Variants in PDE3B observed in about 807,000 individuals in gnomAD.
The protein encoded by PDE3B is cGMP-inhibited 3',5'-cyclic phosphodiesterase 3B.
In PDE3B, 66 loss-of-function variants were observed where a neutral mutation model predicts 116.8. The observed-to-expected ratio is 0.56, with a 90% CI of 0.46 to 0.69. The LOEUF is 0.69. PDE3B is among the 30% of genes least tolerant of loss of function. The pLI, the probability that PDE3B is intolerant of heterozygous loss-of-function variation, is 0.00. For synonymous variants in PDE3B, 595 were observed against 533.6 expected (o/e 1.12, Z -1.59); for missense variants, 1,384 against 1,368.1 (o/e 1.01, Z -0.18).
intron 1 of PDE3B, among the ~76,000 whole-genome samples, chr11:14,764,862 C>A (rs1225652863): frequency 6.6e-6 from 1 of 151,488 alleles, no homozygotes; most frequent in Non-Finnish European, 1.5e-5. Flanking sequence ...TCCTACCCCT[C>A]CCCCTCCCCC....
At chr11:14,858,759 G>C (rs1555006562) in intron 12 of PDE3B, among the ~76,000 whole-genome samples, 1 of 152,126 alleles carries the variant, frequency 6.6e-6, no homozygotes, top group African/African-American at 2.4e-5. Flanking sequence ...TACATCTCTT[G>C]GGAGGCAGCA....
chr11:14,875,042 A>T (rs1308133497), downstream of PDE3B, among the ~76,000 whole-genome samples: 2 of 152,066 alleles, frequency 1.3e-5, no homozygotes, highest in Non-Finnish European at 2.9e-5. Context: ...TAGGAACCCA[A>T]TTTATTTATA....
chr11:14,684,788 T>C (rs1353462594), intron 1 of PDE3B, among the ~76,000 whole-genome samples: 1 of 152,174 alleles, frequency 6.6e-6, no homozygotes, highest in Non-Finnish European at 1.5e-5. Flanking sequence ...AGTGATATCT[T>C]CCCTACTTGC....
chr11:14,843,695 T>C lies in PDE3B; in HGVS notation c.2321-132T>C. On this transcript the variant is annotated intron_variant, in intron 11 of 15. Coordinates refer to ENST00000282096, the MANE Select transcript of PDE3B (RefSeq NM_000922.4). The stretch of plus-strand genomic sequence containing the variant: ...GGAATAATATACTCTTTTAAGTTCA[T>C]AGATTTTAGTTCTTACTTAAATCAG... 3 of 682,002 alleles carry C rather than the reference T, an allele frequency of 4.4e-6. No individual in the cohort carries two copies. In the East Asian group the frequency reaches 7.7e-5, roughly 18 times the overall value. The allele number at this position is 682,002 out of a possible 1,614,324, so 42.2% of individuals were successfully genotyped here. A position where few individuals can be genotyped will look rare whatever the true frequency, so the allele number is the denominator to read the frequency against.
chr11:14,894,941 C>T, the PDE3B span, among the ~76,000 whole-genome samples: 737 of 152,306 alleles, frequency 4.8e-3, 5 homozygotes, highest in Middle Eastern at 0.014. Context: ...CTTCAGTACT[C>T]GGGGTGGAAT....
chr11:14,736,810 T>G (rs1420596789), intron 1 of PDE3B, among the ~76,000 whole-genome samples: 1 of 152,154 alleles, frequency 6.6e-6, no homozygotes, highest in African/African-American at 2.4e-5. Context: ...GACATTGACC[T>G]TAGAAAAGAT....
At chr11:14,702,505 A>G (rs1855395383) in intron 1 of PDE3B, among the ~76,000 whole-genome samples, 1 of 151,872 alleles carries the variant, frequency 6.6e-6, no homozygotes, top group East Asian at 1.9e-4. Flanking sequence ...AGGGAAGAGA[A>G]GAAGTCCAGT....
chr11:14,817,610 G>T (rs1859374856), intron 5 of PDE3B, among the ~76,000 whole-genome samples: 1 of 151,982 alleles, frequency 6.6e-6, no homozygotes, highest in South Asian at 2.1e-4. Flanking sequence ...AATTAGCTGG[G>T]CACGGTGGCC....
intron 1 of PDE3B, among the ~76,000 whole-genome samples, chr11:14,747,976 T>A (rs1856960430): frequency 6.6e-6 from 1 of 152,224 alleles, no homozygotes; most frequent in Non-Finnish European, 1.5e-5. Flanking sequence ...TATAATTAGA[T>A]TTTTAGTGAT....
intron 2 of PDE3B, chr11:14,773,925 TTGTTTGGCAC>T (rs1857712837): frequency 6.6e-6 from 1 of 152,252 alleles, no homozygotes; most frequent in African/African-American, 2.4e-5. Flanking sequence ...CTTTGGGATC[TTGTTTGGCAC>T]CCCCTGTCTT....
At chr11:14,827,551 C>G (rs1233821758) in intron 7 of PDE3B, among the ~76,000 whole-genome samples, 1 of 152,026 alleles carries the variant, frequency 6.6e-6, no homozygotes, top group Non-Finnish European at 1.5e-5. Context: ...ACCAGGAACA[C>G]AATCCCATTT....
chr11:14,660,922 C>G (rs1853883415), intron 1 of PDE3B, among the ~76,000 whole-genome samples: 1 of 152,094 alleles, frequency 6.6e-6, no homozygotes, highest in Non-Finnish European at 1.5e-5. Context: ...TGAAAAAATG[C>G]TCATCATCAC....
chr11:14,686,096 T>C (rs2133800320), intron 1 of PDE3B, among the ~76,000 whole-genome samples: 1 of 152,366 alleles, frequency 6.6e-6, no homozygotes, highest in East Asian at 1.9e-4. Flanking sequence ...ATTCTTCACC[T>C]AATTCTAAGT....
chr11:14,668,791 C>G (rs988476343), intron 1 of PDE3B, among the ~76,000 whole-genome samples: 1 of 152,112 alleles, frequency 6.6e-6, no homozygotes, highest in Admixed American at 6.6e-5. Context: ...GCACACTGGT[C>G]TTGGCAAAAG....
At chr11:14,691,514 T>C (rs375058565) in intron 1 of PDE3B, among the ~76,000 whole-genome samples, 4 of 152,168 alleles carry the variant, frequency 2.6e-5, no homozygotes, top group Admixed American at 6.6e-5. Context: ...GTTTTATAGA[T>C]GGTATGGAAA....
chr11:14,772,736 G>A (rs1170561348), intron 2 of PDE3B: 2 of 151,792 alleles, frequency 1.3e-5, no homozygotes, highest in Non-Finnish European at 2.9e-5. Context: ...GAAAATAGAA[G>A]TATTTAATAT....
At chr11:14,824,899 G>A (rs767715946) in intron 7 of PDE3B, among the ~76,000 whole-genome samples, 2 of 151,862 alleles carry the variant, frequency 1.3e-5, no homozygotes, top group Non-Finnish European at 1.5e-5. Context: ...GGTCACCTAC[G>A]AAGGGAACCT....
chr11:14,650,308 A>G (rs1313973141), intron 1 of PDE3B, among the ~76,000 whole-genome samples: 1 of 151,756 alleles, frequency 6.6e-6, no homozygotes, highest in African/African-American at 2.4e-5. Flanking sequence ...GGCTCAAGTA[A>G]TCCTCCCACC....
intron 1 of PDE3B, among the ~76,000 whole-genome samples, chr11:14,758,489 G>T (rs1358986739): frequency 1.4e-5 from 2 of 147,984 alleles, no homozygotes; most frequent in African/African-American, 5.1e-5. Flanking sequence ...TTGAGCAGTG[G>T]TTTGTAGTTC....
Sources: allele counts gnomAD v4.1 joint callset (sites outside exome capture counted in the v4.1 genomes callset), GRCh38; gene constraint gnomAD v4.1.1; transcripts MANE v1.5; gene names NCBI Gene and HGNC (gene_info 2026-07-23, HGNC 2026-07-21).